The following UNC5D variants were observed in gnomAD, a reference collection of about 807,000 sequenced individuals.
UNC5D encodes the protein unc-5 netrin receptor D.
Under a neutral mutation model 105.4 loss-of-function variants are expected in UNC5D, and 39 were observed. The ratio of observed to expected loss-of-function variants is 0.37; its 90% CI spans 0.29 to 0.48. The LOEUF (loss-of-function observed/expected upper bound fraction) is 0.48, where lower values mean the gene tolerates loss of function less well. UNC5D is among the 20% of genes least tolerant of loss of function. The pLI, the probability that UNC5D is intolerant of heterozygous loss-of-function variation, is 0.98. For synonymous variants in UNC5D, 452 were observed against 450.4 expected (o/e 1.00, Z -0.04); for missense variants, 991 against 1,202.4 (o/e 0.82, Z 2.60).
intron 4 of UNC5D, among the ~76,000 whole-genome samples, chr8:35,678,799 T>A (rs1011262485): frequency 3.3e-5 from 5 of 152,190 alleles, no homozygotes; most frequent in Non-Finnish European, 5.9e-5. Flanking sequence ...TCCTTTCTTT[T>A]TTCCTCTTTT....
chr8:35,395,833 A>T (rs1306123670), intron 1 of UNC5D, among the ~76,000 whole-genome samples: 1 of 152,140 alleles, frequency 6.6e-6, no homozygotes, highest in Non-Finnish European at 1.5e-5. Flanking sequence ...CAGTCCTCAC[A>T]TGTCTTGTGT....
chr8:35,384,722 T>C (rs1803274704), intron 1 of UNC5D, among the ~76,000 whole-genome samples: 1 of 152,204 alleles, frequency 6.6e-6, no homozygotes, highest in Non-Finnish European at 1.5e-5. Context: ...TTTCCGTGTA[T>C]TTCTTTCTCA....
chr8:35,393,930 T>G (rs1247609292), intron 1 of UNC5D, among the ~76,000 whole-genome samples: 2 of 152,198 alleles, frequency 1.3e-5, no homozygotes, highest in African/African-American at 4.8e-5. Flanking sequence ...GTAAAGGACT[T>G]TTTTTGCTTT....
rs114965465 is a variant in UNC5D, at chr8:35,653,987, C to A, written c.571-29560C>A. Among the ~76,000 whole-genome samples the A allele has an allele frequency of 5.3e-3, 803 of 152,158 alleles. 9 individuals carry two copies. The highest frequency in any genetic ancestry group is 0.017 in the African/African-American group (725 of 41,510). On this transcript the variant is annotated intron_variant, in intron 4 of 16. Transcript: ENST00000404895. Reference sequence around the variant, plus strand: ...AATAAGCTCATGCTTAACTGAGATTCATCTGCAGGAATTCTTTGTGGCCTA... The same window carrying A: ...AATAAGCTCATGCTTAACTGAGATTAATCTGCAGGAATTCTTTGTGGCCTA...
At chr8:35,256,475 A>G (rs893055533) in intron 1 of UNC5D, 1 of 152,030 alleles carries the variant, frequency 6.6e-6, no homozygotes, top group Admixed American at 6.6e-5. Context: ...ATAGCCCCGA[A>G]CGCCCTGACG....
At chr8:35,281,089 C>G (rs372105775) in intron 1 of UNC5D, among the ~76,000 whole-genome samples, 1 of 152,176 alleles carries the variant, frequency 6.6e-6, no homozygotes, top group African/African-American at 2.4e-5. Flanking sequence ...ACCAGGCCTT[C>G]GCTGTGCCTC....
At chr8:35,527,869 T>A (rs1813997555) in intron 1 of UNC5D, among the ~76,000 whole-genome samples, 1 of 152,050 alleles carries the variant, frequency 6.6e-6, no homozygotes. Context: ...CCTGTTCATA[T>A]GGTCACTACT....
At chr8:35,275,572 A>G (rs148569443) in intron 1 of UNC5D, among the ~76,000 whole-genome samples, 25 of 152,178 alleles carry the variant, frequency 1.6e-4, no homozygotes, top group African/African-American at 6.0e-4. Context: ...AGTTATGCTT[A>G]TTTTAATTGT....
intron 1 of UNC5D, among the ~76,000 whole-genome samples, chr8:35,282,449 T>A (rs1426963062): frequency 1.3e-5 from 2 of 152,204 alleles, no homozygotes; most frequent in Non-Finnish European, 2.9e-5. Flanking sequence ...ATAATTGGAT[T>A]ATCAGAAATT....
At chr8:35,758,827 C>T (rs1482394202) in intron 13 of UNC5D, among the ~76,000 whole-genome samples, 1 of 152,148 alleles carries the variant, frequency 6.6e-6, no homozygotes, top group African/African-American at 2.4e-5. Flanking sequence ...TACATGCACA[C>T]TGGGACATTT....
Position 35,659,144 on chromosome 8 carries a change from G to A in UNC5D, c.571-24403G>A, listed in dbSNP as rs1052918353. 2.0e-5 allele frequency among the ~76,000 whole-genome samples: 3 copies of A among 152,104 alleles called. No homozygotes were observed. In the East Asian group the frequency reaches 5.8e-4, roughly 29 times the overall value. ...TTATAGTTTTTTTCCCCCTTCTTGA[G>A]CTGTAGGAACAAAAGTAGAAGCTGA... On this transcript the variant is annotated intron_variant, in intron 4 of 16. Coordinates refer to ENST00000404895, the MANE Select transcript of UNC5D (RefSeq NM_080872.4).
At chr8:35,527,740 AC>A (rs1813984307) in intron 1 of UNC5D, among the ~76,000 whole-genome samples, 1 of 151,896 alleles carries the variant, frequency 6.6e-6, no homozygotes, top group Non-Finnish European at 1.5e-5. Context: ...ATGGGATTTC[AC>A]CATATTGGCC....
chr8:35,321,823 C>T (rs146369771), intron 1 of UNC5D, among the ~76,000 whole-genome samples: 202 of 152,254 alleles, frequency 1.3e-3, no homozygotes, highest in African/African-American at 4.5e-3. Context: ...TATTAGGAGG[C>T]CCCTGACTTT....
chr8:35,267,716 C>T (rs960216033), intron 1 of UNC5D, among the ~76,000 whole-genome samples: 2 of 152,198 alleles, frequency 1.3e-5, no homozygotes, highest in African/African-American at 4.8e-5. Context: ...GGATTACAGG[C>T]ATGAGCCACT....
chr8:35,394,004 T>C (rs1803944747), intron 1 of UNC5D, among the ~76,000 whole-genome samples: 1 of 152,156 alleles, frequency 6.6e-6, no homozygotes, highest in Admixed American at 6.5e-5. Flanking sequence ...CTCTTTCTCC[T>C]TTTTCTCTCT....
rs941125775 is a variant in UNC5D at position 35,511,447 on chromosome 8, A to G, written c.104-37845A>G. ...CCAGGAATTCAAGGCCAGCCTGACC[A>G]ATGTAGAGAGTTCCCACCTCTAAGA... On this transcript the variant is annotated intron_variant, in intron 1 of 16. Transcript: ENST00000404895. Among the ~76,000 whole-genome samples the G allele has an allele frequency of 2.7e-5, 4 of 149,836 alleles. No individual in the cohort carries two copies. The Admixed American group carries it at 2.7e-4, about 10-fold the overall frequency.
intron 1 of UNC5D, among the ~76,000 whole-genome samples, chr8:35,465,577 T>C (rs41480745): frequency 0.016 from 2,427 of 152,310 alleles, 72 homozygotes; most frequent in African/African-American, 0.055. Flanking sequence ...TCCCTCCTTA[T>C]ATCCTTTTCA....
chr8:35,259,324 G>A (rs1804286689), intron 1 of UNC5D, among the ~76,000 whole-genome samples: 1 of 152,118 alleles, frequency 6.6e-6, no homozygotes, highest in African/African-American at 2.4e-5. Context: ...GAAGGGGATT[G>A]GGGAGTGGAC....
intron 1 of UNC5D, among the ~76,000 whole-genome samples, chr8:35,413,292 T>TGTGTGTGTGTTG (rs56157732): frequency 0.016 from 2,072 of 127,982 alleles, 76 homozygotes; most frequent in African/African-American, 0.059. Flanking sequence ...TGTGTGTGTG[T>TGTGTGTGTGTTG]TGTGTGTGTG....
Sources: allele counts gnomAD v4.1 joint callset (sites outside exome capture counted in the v4.1 genomes callset), GRCh38; gene constraint gnomAD v4.1.1; transcripts MANE v1.5; gene names NCBI Gene and HGNC (gene_info 2026-07-23, HGNC 2026-07-21).